MFHAS1: variants seen among roughly 807,000 people sequenced by gnomAD.
The protein encoded by MFHAS1 is multifunctional ROCO family signaling regulator 1.
In MFHAS1, 50 loss-of-function variants were observed where a neutral mutation model predicts 70.4. That is an observed-to-expected ratio of 0.71 (90% CI 0.57 to 0.90). MFHAS1 has a LOEUF of 0.90. Among genes scored for constraint, MFHAS1 ranks in the 40% least tolerant of loss-of-function variants. The pLI, the probability that MFHAS1 is intolerant of heterozygous loss-of-function variation, is 0.00. For synonymous variants in MFHAS1, 952 were observed against 620.0 expected (o/e 1.54, Z -7.96); for missense variants, 1,795 against 1,347.6 (o/e 1.33, Z -5.20).
intron 1 of MFHAS1, among the ~76,000 whole-genome samples, chr8:8,876,793 T>G (rs140177071): frequency 3.9e-5 from 6 of 152,078 alleles, no homozygotes; most frequent in East Asian, 1.9e-4. Context: ...ATCCACAAAC[T>G]TATCACTCTT....
chr8:8,828,338 C>A (rs934810255), intron 1 of MFHAS1, among the ~76,000 whole-genome samples: 63 of 152,300 alleles, frequency 4.1e-4, no homozygotes, highest in African/African-American at 1.5e-3. Flanking sequence ...GAAATCAAAG[C>A]CATCAAATAC....
rs1420296505 is a variant in MFHAS1 at position 8,851,755 on chromosome 8, A to T, written c.2998+38306T>A. On this transcript the variant is annotated intron_variant, in intron 1 of 2. Transcript: ENST00000276282. The stretch of plus-strand genomic sequence containing the variant: ...ATGTATTTAAAATAAGAACAAATAC[A>T]GGAAGTTAATCCAACCAAAACACTT... Among the ~76,000 whole-genome samples, 3 of 152,336 alleles carry T rather than the reference A, an allele frequency of 2.0e-5. No individual in the cohort carries two copies. In the East Asian group the frequency reaches 5.8e-4, roughly 29 times the overall value.
chr8:8,855,989 TC>T (rs1225778532), intron 1 of MFHAS1, among the ~76,000 whole-genome samples: 1 of 152,186 alleles, frequency 6.6e-6, no homozygotes, highest in Non-Finnish European at 1.5e-5. Flanking sequence ...GAAAAGATGC[TC>T]AGTTATTTCA....
chr8:8,802,988 T>C (rs73519957), intron 1 of MFHAS1, among the ~76,000 whole-genome samples: 3 of 152,290 alleles, frequency 2.0e-5, no homozygotes, highest in African/African-American at 4.8e-5. Context: ...TCTTCCTGCA[T>C]AGCCACTAAC....
chr8:8,815,726 C>G (rs1806717743), intron 1 of MFHAS1, among the ~76,000 whole-genome samples: 1 of 152,150 alleles, frequency 6.6e-6, no homozygotes, highest in South Asian at 2.1e-4. Flanking sequence ...AACTGGAACT[C>G]TCCTACACTG....
intron 1 of MFHAS1, among the ~76,000 whole-genome samples, chr8:8,818,697 C>G (rs1409817001): frequency 1.3e-5 from 2 of 152,216 alleles, no homozygotes; most frequent in African/African-American, 4.8e-5. Flanking sequence ...TCCTCACATC[C>G]TTGTTACCCT....
Position 8,891,315 on chromosome 8 carries a change from G to C in MFHAS1, c.1744C>G (p.Arg582Gly). 2 of 1,611,194 alleles carry C rather than the reference G, an allele frequency of 1.2e-6. No homozygotes were observed. Among genetic ancestry groups the C allele is most frequent in the Non-Finnish European group, 1.7e-6 (2 of 1,180,030 alleles). Residue 582 changes from arginine to glycine, a missense_variant, in exon 1 of 3, where the codon CGG (arginine) becomes GGG (glycine). Arg to Gly is a moderately radical substitution (Grantham distance 125, BLOSUM62 -2). Coordinates refer to ENST00000276282, the MANE Select transcript of MFHAS1 (RefSeq NM_004225.3). The surrounding 1 kb of genome is among the most constrained non-coding windows in gnomAD (Gnocchi z 5.4). Reference sequence around the variant, plus strand: ...CTGGCAGAGCGCAGCTCGAAGTCCCGGGCCAGTGCCTCGTCCACCACCTTG... The same window carrying C: ...CTGGCAGAGCGCAGCTCGAAGTCCCCGGCCAGTGCCTCGTCCACCACCTTG... Reference protein sequence around the residue: ...LAKVVDEALARDFELRSASPH... With the variant: ...LAKVVDEALAGDFELRSASPH...
intron 1 of MFHAS1, among the ~76,000 whole-genome samples, chr8:8,876,319 A>C (rs777849632): frequency 7.2e-5 from 11 of 152,174 alleles, no homozygotes; most frequent in Non-Finnish European, 1.0e-4. Flanking sequence ...ATACAAACAA[A>C]ATATAACCTA....
intron 1 of MFHAS1, among the ~76,000 whole-genome samples, chr8:8,874,676 T>C (rs904900135): frequency 2.6e-5 from 4 of 152,108 alleles, no homozygotes; most frequent in Non-Finnish European, 4.4e-5. Flanking sequence ...CACTATGTGA[T>C]TCCCGCTGTC....
intron 2 of MFHAS1, chr8:8,790,396 A>G: frequency 2.0e-6 from 2 of 984,872 alleles, no homozygotes; most frequent in Non-Finnish European, 1.2e-6. Context: ...AAGAAGCACT[A>G]TCTTTTCCAC....
intron 1 of MFHAS1, among the ~76,000 whole-genome samples, chr8:8,861,337 T>TA (rs1808652925): frequency 2.0e-5 from 3 of 152,208 alleles, no homozygotes; most frequent in Admixed American, 2.0e-4. Context: ...GCTGCTTTTG[T>TA]AGGTCAAGAA....
At chr8:8,810,034 T>G (rs183261905) in intron 1 of MFHAS1, among the ~76,000 whole-genome samples, 2 of 152,190 alleles carry the variant, frequency 1.3e-5, no homozygotes, top group African/African-American at 4.8e-5. Context: ...CTACCTGACT[T>G]TGAAGTACTA....
intron 1 of MFHAS1, among the ~76,000 whole-genome samples, chr8:8,852,162 G>C (rs555025141): frequency 6.6e-6 from 1 of 152,114 alleles, no homozygotes; most frequent in Non-Finnish European, 1.5e-5. Context: ...AGGTATAAAT[G>C]TCATTAGCGT....
intron 1 of MFHAS1, among the ~76,000 whole-genome samples, chr8:8,807,187 A>G (rs1340333705): frequency 1.3e-5 from 2 of 152,118 alleles, no homozygotes; most frequent in African/African-American, 2.4e-5. Context: ...CTATTCCTGG[A>G]ACGTCCTTAT....
At chr8:8,832,851 G>GA (rs1412054313) in intron 1 of MFHAS1, among the ~76,000 whole-genome samples, 1 of 152,008 alleles carries the variant, frequency 6.6e-6, no homozygotes, top group Non-Finnish European at 1.5e-5. Context: ...CCCAGGCTAA[G>GA]AATTTTTACA....
chr8:8,847,037 T>C (rs1266363515), intron 1 of MFHAS1, among the ~76,000 whole-genome samples: 1 of 152,132 alleles, frequency 6.6e-6, no homozygotes, highest in East Asian at 1.9e-4. Flanking sequence ...CCAACATCCC[T>C]CCTCCAAACA....
intron 1 of MFHAS1, among the ~76,000 whole-genome samples, chr8:8,887,201 A>C (rs531582513): frequency 6.6e-6 from 1 of 152,298 alleles, no homozygotes; most frequent in Non-Finnish European, 1.5e-5. Flanking sequence ...CTGCTGAATT[A>C]ATATATATTT....
chr8:8,827,675 T>G (rs1361885900), intron 1 of MFHAS1, among the ~76,000 whole-genome samples: 1 of 152,260 alleles, frequency 6.6e-6, no homozygotes. Flanking sequence ...ACTTGTTTTT[T>G]GACCACATTT....
chr8:8,791,804 G>A (rs924314609), intron 2 of MFHAS1, among the ~76,000 whole-genome samples: 3 of 152,140 alleles, frequency 2.0e-5, no homozygotes, highest in Non-Finnish European at 4.4e-5. Flanking sequence ...CCATGAAGAA[G>A]TTCTAAAGGA....
Sources: allele counts gnomAD v4.1 joint callset (sites outside exome capture counted in the v4.1 genomes callset), GRCh38; gene constraint gnomAD v4.1.1; non-coding constraint Gnocchi (gnomAD v3.1); transcripts MANE v1.5; gene names NCBI Gene and HGNC (gene_info 2026-07-23, HGNC 2026-07-21).